The following ZNF804A variants were observed in gnomAD, a reference collection of about 807,000 sequenced individuals.
The protein encoded by ZNF804A is zinc finger protein 804A.
Under a neutral mutation model 16.5 loss-of-function variants are expected in ZNF804A, and 2 were observed. That is an observed-to-expected ratio of 0.12 (90% CI 0.05 to 0.38). The LOEUF is 0.38. ZNF804A is among the 10% of genes least tolerant of loss of function. ZNF804A has a pLI of 0.99. For missense variants in ZNF804A, 1,473 were observed against 1,390.7 expected, an observed-to-expected ratio of 1.06 and a Z score of -0.94; for synonymous variants, 534 against 489.6, an observed-to-expected ratio of 1.09 and a Z score of -1.20.
chr2:184,785,614 T>C (rs1558961012), intron 1 of ZNF804A, among the ~76,000 whole-genome samples: 1 of 152,024 alleles, frequency 6.6e-6, no homozygotes, highest in South Asian at 2.1e-4. Context: ...GAAAATCCAA[T>C]TCAAGTCTGG....
intron 2 of ZNF804A, among the ~76,000 whole-genome samples, chr2:184,876,068 A>AGTC (rs1293074605): frequency 6.6e-6 from 1 of 152,188 alleles, no homozygotes; most frequent in Non-Finnish European, 1.5e-5. Context: ...CACTTCAGCA[A>AGTC]GTCAAGATTC....
intron 2 of ZNF804A, among the ~76,000 whole-genome samples, chr2:184,902,775 G>A (rs578151254): frequency 6.6e-6 from 1 of 152,210 alleles, no homozygotes; most frequent in South Asian, 2.1e-4. Context: ...TATTGTCACT[G>A]TTTTTGTAAT....
chr2:184,788,063 C>G (rs1694476741), intron 1 of ZNF804A, among the ~76,000 whole-genome samples: 1 of 151,920 alleles, frequency 6.6e-6, no homozygotes, highest in Non-Finnish European at 1.5e-5. Flanking sequence ...ATGTTGCTAG[C>G]TAATTTTCCC....
At chr2:184,701,067 C>T (rs967117459) in intron 1 of ZNF804A, among the ~76,000 whole-genome samples, 2 of 151,770 alleles carry the variant, frequency 1.3e-5, no homozygotes, top group African/African-American at 4.8e-5. Flanking sequence ...TCACATTGAA[C>T]CTCATAAATA....
chr2:184,869,773 G>A (rs934754209), intron 2 of ZNF804A, among the ~76,000 whole-genome samples: 1 of 151,934 alleles, frequency 6.6e-6, no homozygotes, highest in East Asian at 1.9e-4. Flanking sequence ...CCTAAGAGCT[G>A]TTGTGAATGC....
chr2:184,773,376 G>A (rs1189907919), intron 1 of ZNF804A, among the ~76,000 whole-genome samples: 1 of 151,612 alleles, frequency 6.6e-6, no homozygotes, highest in African/African-American at 2.4e-5. Context: ...CAATGCCTCT[G>A]GTCTCTATTT....
intron 1 of ZNF804A, among the ~76,000 whole-genome samples, chr2:184,747,648 G>A (rs1017987627): frequency 6.7e-6 from 1 of 150,330 alleles, no homozygotes; most frequent in African/African-American, 2.4e-5. Flanking sequence ...TTGCCACTGG[G>A]GATTCTGTTT....
chr2:184,925,338 A>G (rs917405372), intron 2 of ZNF804A, among the ~76,000 whole-genome samples: 3 of 151,924 alleles, frequency 2.0e-5, no homozygotes, highest in Non-Finnish European at 2.9e-5. Context: ...TTTATCTCAT[A>G]TAACTATAGC....
At chr2:184,847,039 G>A (rs1695529750) in intron 1 of ZNF804A, among the ~76,000 whole-genome samples, 1 of 152,082 alleles carries the variant, frequency 6.6e-6, no homozygotes, top group Non-Finnish European at 1.5e-5. Flanking sequence ...ACCTATGAAT[G>A]TACCTCTTTC....
chr2:184,782,800 C>T (rs1290407005), intron 1 of ZNF804A, among the ~76,000 whole-genome samples: 6 of 143,116 alleles, frequency 4.2e-5, no homozygotes, highest in Admixed American at 1.4e-4. Context: ...TCTTCTCACT[C>T]TCTAGATTCT....
intron 1 of ZNF804A, among the ~76,000 whole-genome samples, chr2:184,811,131 T>C (rs1694892689): frequency 6.6e-6 from 1 of 152,154 alleles, no homozygotes; most frequent in Non-Finnish European, 1.5e-5. Flanking sequence ...TGTTCCACTT[T>C]GGGGATGGCA....
chr2:184,869,757 T>C (rs1456215094), intron 2 of ZNF804A, among the ~76,000 whole-genome samples: 1 of 152,012 alleles, frequency 6.6e-6, no homozygotes, highest in Non-Finnish European at 1.5e-5. Flanking sequence ...ATCCAGGTAA[T>C]CTGGACCTAA....
intron 1 of ZNF804A, among the ~76,000 whole-genome samples, chr2:184,688,259 T>C (rs1363526017): frequency 2.0e-5 from 3 of 152,112 alleles, no homozygotes; most frequent in African/African-American, 7.2e-5. Flanking sequence ...AGTTCATTCT[T>C]CTCTGCTTAG....
chr2:184,825,572 T>C (rs1254304700), intron 1 of ZNF804A, among the ~76,000 whole-genome samples: 1 of 152,036 alleles, frequency 6.6e-6, no homozygotes, highest in Non-Finnish European at 1.5e-5. Flanking sequence ...AACAACATAT[T>C]ATTATATCTC....
chr2:184,759,977 C>G lies in ZNF804A; in HGVS notation c.112-106392C>G, dbSNP rs567772757. On this transcript the variant is annotated intron_variant, in intron 1 of 3. Transcript: ENST00000302277. ...GAAATAAACAGCCTTGTTGCTCACA[C>G]AAAGCCTGTTTGGTGGTCTCTTCAT... Among the ~76,000 whole-genome samples the G allele has an allele frequency of 8.5e-5, 13 of 152,262 alleles. No homozygotes were observed. The South Asian group carries it at 2.7e-3, about 32-fold the overall frequency.
At chr2:184,748,087 G>A (rs572596370) in intron 1 of ZNF804A, among the ~76,000 whole-genome samples, 1 of 149,828 alleles carries the variant, frequency 6.7e-6, no homozygotes, top group Non-Finnish European at 1.5e-5. Flanking sequence ...AAATAGCATC[G>A]TGATGCATGT....
In ZNF804A at chr2:184,782,077, C is replaced by A. The variant is rs4508562; in HGVS notation, c.112-84292C>A. ...TGAGTTAGTGGATTAGGGCCCACCC[C>A]TCTGACCTTATTTAATCTTTATTAT... On this transcript the variant is annotated intron_variant, in intron 1 of 3. Transcript: ENST00000302277. 5.9e-3 allele frequency among the ~76,000 whole-genome samples: 891 copies of A among 151,858 alleles called. 10 individuals carry two copies. Among genetic ancestry groups the A allele is most frequent in the Middle Eastern group, 0.027 (8 of 294 alleles).
intron 1 of ZNF804A, among the ~76,000 whole-genome samples, chr2:184,675,197 T>A (rs529657285): frequency 6.6e-4 from 100 of 151,964 alleles, no homozygotes; most frequent in African/African-American, 2.3e-3. Context: ...GAGACGTATG[T>A]TCACACACAC....
chr2:184,698,588 G>A (rs1014263621), intron 1 of ZNF804A, among the ~76,000 whole-genome samples: 1 of 152,012 alleles, frequency 6.6e-6, no homozygotes, highest in Non-Finnish European at 1.5e-5. Context: ...AATGGTGGAG[G>A]ACTGTCGCTG....
Sources: gnomAD v4.1 joint callset for allele counts (sites outside exome capture counted in the v4.1 genomes callset) on GRCh38, gnomAD v4.1.1 for gene constraint, MANE v1.5 for transcripts, NCBI Gene and HGNC (gene_info 2026-07-23, HGNC 2026-07-21) for gene names.